The following LNPK variants were observed in gnomAD, a reference collection of about 807,000 sequenced individuals.
The protein encoded by LNPK is lunapark, ER junction formation factor.
In LNPK, 29 loss-of-function variants were observed where a neutral mutation model predicts 55.2. The ratio of observed to expected loss-of-function variants is 0.53; its 90% CI spans 0.39 to 0.72. The LOEUF (loss-of-function observed/expected upper bound fraction) is 0.72, where lower values mean the gene tolerates loss of function less well. Among genes scored for constraint, LNPK ranks in the 30% least tolerant of loss-of-function variants. The probability of loss-of-function intolerance (pLI) is 0.00; values close to 1 mark genes in which losing one functional copy is unlikely to be tolerated. For missense variants in LNPK, 467 were observed against 494.8 expected (o/e 0.94, Z 0.53); for synonymous variants, 162 against 168.2 (o/e 0.96, Z 0.29).
Position 175,928,024 on chromosome 2 carries a change from A to C in LNPK, c.*1943T>G, listed in dbSNP as rs1168037313. 6.6e-6 allele frequency: 1 copy of C among 152,204 alleles called. No homozygotes were observed. Among genetic ancestry groups the C allele is most frequent in the Non-Finnish European group, 1.5e-5 (1 of 68,034 alleles). 9.4% of individuals were successfully genotyped at this position (152,204 alleles called of 1,614,324 possible). On this transcript the variant is annotated 3_prime_UTR_variant, in exon 13 of 13. Transcript: ENST00000272748. The stretch of plus-strand genomic sequence containing the variant: ...CATGACTAAGCAAGATGTTACTAAA[A>C]TCCATATGGGTCAGTAACATACAAA...
chr2:175,929,569 ACCAAGTTTCATT>A lies in LNPK; in HGVS notation c.*386_*397del, dbSNP rs1684163758. The A allele has an allele frequency of 1.0e-6, 1 of 996,392 alleles. No individual in the cohort carries two copies. Among genetic ancestry groups the A allele is most frequent in the Admixed American group, 5.8e-5 (1 of 17,384 alleles). The allele number at this position is 996,392 out of a possible 1,614,324, so 61.7% of individuals were successfully genotyped here. The stretch of plus-strand genomic sequence containing the variant: ...TAATAATGAAGTAGTCAAAATCTTA[ACCAAGTTTCATT>A]CCTTAAAACAAACACAATTAGAGAA... On this transcript the variant is annotated 3_prime_UTR_variant, in exon 13 of 13. Coordinates refer to ENST00000272748, the MANE Select transcript of LNPK (RefSeq NM_030650.3).
chr2:175,952,911 T>C (rs1022283097), intron 8 of LNPK, among the ~76,000 whole-genome samples: 2 of 152,116 alleles, frequency 1.3e-5, no homozygotes, highest in African/African-American at 4.8e-5. Context: ...GCACTATATA[T>C]GAATTTACTA....
At chr2:175,945,238 A>G (rs112715310) in intron 9 of LNPK, among the ~76,000 whole-genome samples, 20,208 of 148,120 alleles carry the variant, frequency 0.14, 1,722 homozygotes, top group Non-Finnish European at 0.2. Context: ...GGCAGGGCAC[A>G]GTGGCTCACA....
In LNPK at chr2:175,925,204, A is replaced by G. The variant is rs1300372295; in HGVS notation, c.*4763T>C. ...CTCTTCTGATACAACTATGTTCTCC[A>G]TAACAATAGTGACTGTGTGTCTAAT... On this transcript the variant is annotated 3_prime_UTR_variant, in exon 13 of 13. Coordinates refer to ENST00000272748, the MANE Select transcript of LNPK (RefSeq NM_030650.3). 1 of 152,176 alleles carries G rather than the reference A, an allele frequency of 6.6e-6. No homozygotes were observed. Among genetic ancestry groups the G allele is most frequent in the African/African-American group, 2.4e-5 (1 of 41,442 alleles). The allele number at this position is 152,176 out of a possible 1,614,324, so 9.4% of individuals were successfully genotyped here. A position where few individuals can be genotyped will look rare whatever the true frequency, so the allele number is the denominator to read the frequency against.
At chr2:175,988,329 C>T (rs1055969483) in intron 4 of LNPK, among the ~76,000 whole-genome samples, 5 of 151,298 alleles carry the variant, frequency 3.3e-5, no homozygotes, top group Non-Finnish European at 7.4e-5. Flanking sequence ...TGCTGACACC[C>T]CATCTCTACT....
At chr2:175,997,130 C>A (rs1217584901) in intron 1 of LNPK, among the ~76,000 whole-genome samples, 3 of 152,196 alleles carry the variant, frequency 2.0e-5, no homozygotes, top group African/African-American at 7.2e-5. Context: ...AGAAAAGTAA[C>A]AAAGTGCCTA....
intron 4 of LNPK, among the ~76,000 whole-genome samples, chr2:175,981,482 C>T (rs1239105409): frequency 1.3e-5 from 2 of 152,090 alleles, no homozygotes; most frequent in Non-Finnish European, 2.9e-5. Flanking sequence ...GATTTGAATT[C>T]AGAATGCATT....
At chr2:175,954,658 A>G (rs1210313881) in intron 8 of LNPK, among the ~76,000 whole-genome samples, 2 of 152,094 alleles carry the variant, frequency 1.3e-5, no homozygotes, top group Non-Finnish European at 2.9e-5. Context: ...TTTATTTTTG[A>G]TCTGGCCTAA....
At chr2:175,975,197 C>G (rs1201078544) in intron 5 of LNPK, among the ~76,000 whole-genome samples, 2 of 152,066 alleles carry the variant, frequency 1.3e-5, no homozygotes, top group East Asian at 3.8e-4. Flanking sequence ...AAACATCATA[C>G]TTAATGGTAA....
chr2:175,933,324 T>C (rs1684371620), intron 12 of LNPK, among the ~76,000 whole-genome samples: 1 of 152,172 alleles, frequency 6.6e-6, no homozygotes, highest in African/African-American at 2.4e-5. Flanking sequence ...AAGAATATCA[T>C]GTTTAGGTTT....
intron 9 of LNPK, among the ~76,000 whole-genome samples, chr2:175,943,238 C>A (rs1684946570): frequency 1.4e-5 from 2 of 147,486 alleles, no homozygotes; most frequent in Admixed American, 6.8e-5. Context: ...ACCTTTTTCT[C>A]TCAGAAGAAA....
chr2:175,942,336 A>T (rs921382235), intron 9 of LNPK, among the ~76,000 whole-genome samples: 1 of 152,202 alleles, frequency 6.6e-6, no homozygotes, highest in African/African-American at 2.4e-5. Flanking sequence ...GCATCCGTGG[A>T]TTCCAGTATC....
Position 175,930,132 on chromosome 2 carries a change from T to C in LNPK, c.1122A>G (p.Glu374=). 6.2e-7 allele frequency: 1 copy of C among 1,613,878 alleles called. No homozygotes were observed. Among genetic ancestry groups the C allele is most frequent in the Non-Finnish European group, 8.5e-7 (1 of 1,179,812 alleles). The change falls in exon 13 of 13, where the codon GAA becomes GAG. Residue 374 remains glutamate (E), a synonymous_variant. Transcript: ENST00000272748. ...EQTDDKIPAT[E]QTNQVIEKAS... ...CTTTTTCAATCACTTGGTTTGTCTGTTCTGTAGCTGGTATTTTGTCATCTG... is the reference window on the plus strand; with the variant it reads ...CTTTTTCAATCACTTGGTTTGTCTGCTCTGTAGCTGGTATTTTGTCATCTG...
chr2:175,997,589 ACCATCACAC>A (rs1035437973), intron 1 of LNPK, among the ~76,000 whole-genome samples: 1 of 152,148 alleles, frequency 6.6e-6, no homozygotes, highest in African/African-American at 2.4e-5. Context: ...CAAGTTTCTA[ACCATCACAC>A]CCTAAGACTG....
chr2:175,935,134 T>C (rs1407687805), intron 12 of LNPK, among the ~76,000 whole-genome samples: 1 of 152,186 alleles, frequency 6.6e-6, no homozygotes, highest in Non-Finnish European at 1.5e-5. Flanking sequence ...GTTACTGATA[T>C]TTGTTTAAAG....
intron 4 of LNPK, among the ~76,000 whole-genome samples, chr2:175,990,084 C>T (rs1360886684): frequency 6.6e-6 from 1 of 152,192 alleles, no homozygotes; most frequent in Non-Finnish European, 1.5e-5. Flanking sequence ...GCCTCTAAGT[C>T]TTTAAGTAAA....
At chr2:175,992,823 C>T (rs979375223) in intron 3 of LNPK, among the ~76,000 whole-genome samples, 2 of 152,048 alleles carry the variant, frequency 1.3e-5, no homozygotes, top group Non-Finnish European at 2.9e-5. Flanking sequence ...ATTTATCACT[C>T]TCAATATTCC....
intron 12 of LNPK, among the ~76,000 whole-genome samples, chr2:175,934,016 C>T (rs1684419870): frequency 6.6e-6 from 1 of 152,162 alleles, no homozygotes; most frequent in Non-Finnish European, 1.5e-5. Context: ...GCGTGAGCCA[C>T]CGTGCCTGGC....
intron 11 of LNPK, 38 bp downstream of exon 11, chr2:175,938,275 C>CATAAAAAAAAA: frequency 8.3e-7 from 1 of 1,206,806 alleles, no homozygotes; most frequent in Non-Finnish European, 1.2e-6. Flanking sequence ...AATATTTAAG[C>CATAAAAAAAAA]ATAAAATATT....
Sources: allele counts gnomAD v4.1 joint callset (sites outside exome capture counted in the v4.1 genomes callset), GRCh38; gene constraint gnomAD v4.1.1; transcripts MANE v1.5; gene names NCBI Gene and HGNC (gene_info 2026-07-23, HGNC 2026-07-21).